Variants in PLXDC2 observed in about 807,000 individuals in gnomAD.
PLXDC2 encodes plexin domain-containing protein 2.
Under a neutral mutation model 68.9 loss-of-function variants are expected in PLXDC2, and 40 were observed. The observed-to-expected ratio is 0.58, with a 90% CI of 0.45 to 0.76. The LOEUF is 0.76. Ranked by LOEUF, PLXDC2 falls within the 30% of genes least tolerant of loss-of-function variation. The pLI, the probability that PLXDC2 is intolerant of heterozygous loss-of-function variation, is 0.00. For synonymous variants in PLXDC2, 243 were observed against 234.2 expected (o/e 1.04, Z -0.34); for missense variants, 644 against 661.9 (o/e 0.97, Z 0.30).
rs114565684 is a variant in PLXDC2, at chr10:20,195,669, T to C, written c.1062-16000T>C. ...ATTAAATTCTGGAGTTTATTTGTAG[T>C]AAACTAATAAATTAGGAAAAAGATG... On this transcript the variant is annotated intron_variant, in intron 9 of 13. Coordinates refer to ENST00000377252, the MANE Select transcript of PLXDC2 (RefSeq NM_032812.9). Among the ~76,000 whole-genome samples, 1,312 of 152,270 alleles carry C rather than the reference T, an allele frequency of 8.6e-3. 18 individuals are homozygous for C. Among genetic ancestry groups the C allele is most frequent in the African/African-American group, 0.029 (1,212 of 41,568 alleles).
intron 1 of PLXDC2, among the ~76,000 whole-genome samples, chr10:19,855,570 T>G (rs1336878138): frequency 6.6e-6 from 1 of 152,216 alleles, no homozygotes; most frequent in Non-Finnish European, 1.5e-5. Flanking sequence ...TTTTGGAATA[T>G]TTGCATTATA....
chr10:20,064,297 T>C lies in PLXDC2; in HGVS notation c.472-3873T>C, dbSNP rs1350451857. Among the ~76,000 whole-genome samples, 4 of 151,684 alleles carry C rather than the reference T, an allele frequency of 2.6e-5. 1 individual carries two copies. In the East Asian group the frequency reaches 7.7e-4, roughly 29 times the overall value. ...GTGCAGTGGTGTGATCTTGGCTCAC[T>C]GAAAGCTCCACCTCCCGGGTTCATG... On this transcript the variant is annotated intron_variant, in intron 3 of 13. Transcript: ENST00000377252.
intron 1 of PLXDC2, among the ~76,000 whole-genome samples, chr10:19,962,415 G>C (rs1439520967): frequency 9.5e-6 from 1 of 104,820 alleles, no homozygotes; most frequent in Non-Finnish European, 1.8e-5. Context: ...TTTTGAGATG[G>C]AGTCTTGCTC....
intron 5 of PLXDC2, among the ~76,000 whole-genome samples, chr10:20,144,658 A>C (rs1240937180): frequency 6.6e-6 from 1 of 152,304 alleles, no homozygotes; most frequent in East Asian, 1.9e-4. Flanking sequence ...ACTATTCTTG[A>C]GGCAAAACTG....
chr10:19,888,609 G>A (rs1008868393), intron 1 of PLXDC2, among the ~76,000 whole-genome samples: 2 of 152,138 alleles, frequency 1.3e-5, no homozygotes, highest in African/African-American at 4.8e-5. Flanking sequence ...GCAGGCGAGG[G>A]ATACATTTTA....
intron 2 of PLXDC2, among the ~76,000 whole-genome samples, chr10:20,011,590 G>A (rs763152794): frequency 6.6e-6 from 1 of 152,200 alleles, no homozygotes; most frequent in Non-Finnish European, 1.5e-5. Flanking sequence ...TAAGGAGAGA[G>A]CTTCTGGGAT....
intron 1 of PLXDC2, among the ~76,000 whole-genome samples, chr10:19,897,220 C>T (rs919878225): frequency 6.7e-6 from 1 of 148,638 alleles, no homozygotes; most frequent in Non-Finnish European, 1.5e-5. Flanking sequence ...TTCCATGATT[C>T]CCTTCTCTTT....
intron 4 of PLXDC2, among the ~76,000 whole-genome samples, chr10:20,095,528 G>C (rs1833338888): frequency 6.6e-6 from 1 of 152,184 alleles, no homozygotes. Context: ...TCAGGTGTAA[G>C]TGGACATTTT....
intron 1 of PLXDC2, among the ~76,000 whole-genome samples, chr10:19,872,090 T>C (rs1410965247): frequency 6.6e-6 from 1 of 152,152 alleles, no homozygotes; most frequent in East Asian, 1.9e-4. Context: ...GCTGCAATGC[T>C]GGTTTGGAGC....
chr10:20,031,599 A>T (rs1189899467), intron 2 of PLXDC2, among the ~76,000 whole-genome samples: 1 of 152,076 alleles, frequency 6.6e-6, no homozygotes, highest in Non-Finnish European at 1.5e-5. Flanking sequence ...TGCATTCAGG[A>T]TTCTTTGGAT....
intron 13 of PLXDC2, among the ~76,000 whole-genome samples, chr10:20,257,074 G>A (rs117001951): frequency 6.6e-6 from 1 of 152,092 alleles, no homozygotes; most frequent in Non-Finnish European, 1.5e-5. Context: ...ATCTGAGGAA[G>A]GGACGCAAGG....
chr10:20,024,685 G>C (rs1281972325), intron 2 of PLXDC2, among the ~76,000 whole-genome samples: 1 of 152,110 alleles, frequency 6.6e-6, no homozygotes, highest in Non-Finnish European at 1.5e-5. Context: ...CCTGAGCACA[G>C]TACCCAAGAG....
chr10:19,918,733 G>C (rs1047550077), intron 1 of PLXDC2, among the ~76,000 whole-genome samples: 1 of 152,244 alleles, frequency 6.6e-6, no homozygotes, highest in South Asian at 2.1e-4. Flanking sequence ...GACTCTTGAC[G>C]AACATAAGTA....
At chr10:19,864,601 C>CA (rs1341823215) in intron 1 of PLXDC2, among the ~76,000 whole-genome samples, 2 of 152,062 alleles carry the variant, frequency 1.3e-5, no homozygotes, top group African/African-American at 4.8e-5. Flanking sequence ...TGATATTTGG[C>CA]AAAATGGGAG....
intron 4 of PLXDC2, among the ~76,000 whole-genome samples, chr10:20,123,501 G>A (rs553841491): frequency 2.2e-4 from 34 of 152,034 alleles, no homozygotes; most frequent in African/African-American, 7.7e-4. Flanking sequence ...CTACTGTCGA[G>A]TTTGTATTGG....
intron 13 of PLXDC2, among the ~76,000 whole-genome samples, chr10:20,246,069 CAG>C (rs1481227604): frequency 6.6e-6 from 1 of 152,192 alleles, no homozygotes; most frequent in African/African-American, 2.4e-5. Flanking sequence ...TATATAAATG[CAG>C]AGAGACGCAT....
At chr10:19,971,845 A>G (rs1407909506) in intron 1 of PLXDC2, among the ~76,000 whole-genome samples, 1 of 152,176 alleles carries the variant, frequency 6.6e-6, no homozygotes, top group African/African-American at 2.4e-5. Flanking sequence ...TTTACATGTG[A>G]TATAAGTCAG....
intron 12 of PLXDC2, among the ~76,000 whole-genome samples, chr10:20,234,116 C>A (rs1259901370): frequency 6.6e-6 from 1 of 152,058 alleles, no homozygotes; most frequent in African/African-American, 2.4e-5. Flanking sequence ...TGTGAGCCAC[C>A]GTGCCCGGCC....
At position 20,021,387 on chromosome 10, in the gene PLXDC2, A is replaced by G. The variant is rs757433569; in HGVS notation, c.324+19401A>G. 8.9e-4 allele frequency among the ~76,000 whole-genome samples: 135 copies of G among 152,238 alleles called. 1 individual carries two copies. Among genetic ancestry groups the G allele is most frequent in the Admixed American group, 1.2e-3 (18 of 15,278 alleles). On this transcript the variant is annotated intron_variant, in intron 2 of 13. Coordinates refer to ENST00000377252, the MANE Select transcript of PLXDC2 (RefSeq NM_032812.9). The stretch of plus-strand genomic sequence containing the variant: ...TCATCATCTAGGTTTTCAGCCCCGC[A>G]TGCATTAGGATTTGTCCTAATGCTT...
Sources: allele counts gnomAD v4.1 joint callset (sites outside exome capture counted in the v4.1 genomes callset), GRCh38; gene constraint gnomAD v4.1.1; transcripts MANE v1.5; gene names NCBI Gene and HGNC (gene_info 2026-07-23, HGNC 2026-07-21).